KCNH7: variants seen among roughly 807,000 people sequenced by gnomAD.
KCNH7 encodes voltage-gated inwardly rectifying potassium channel KCNH7.
In KCNH7, 49 loss-of-function variants were observed where a neutral mutation model predicts 120.8. That is an observed-to-expected ratio of 0.41 (90% CI 0.32 to 0.51). The LOEUF (loss-of-function observed/expected upper bound fraction) is 0.51. Ranked by LOEUF, KCNH7 falls within the 20% of genes least tolerant of loss-of-function variation. The probability of loss-of-function intolerance (pLI) is 0.38; values close to 1 mark genes in which losing one functional copy is unlikely to be tolerated. For synonymous variants in KCNH7, 547 were observed against 516.1 expected, an observed-to-expected ratio of 1.06 and a Z score of -0.81; for missense variants, 1,097 against 1,446.6, an observed-to-expected ratio of 0.76 and a Z score of 3.92.
chr2:162,715,432 A>G (rs1687082468), intron 2 of KCNH7, among the ~76,000 whole-genome samples: 1 of 152,184 alleles, frequency 6.6e-6, no homozygotes, highest in African/African-American at 2.4e-5. Context: ...ACAATTCATC[A>G]TGAGATTTGG....
intron 3 of KCNH7, among the ~76,000 whole-genome samples, chr2:162,520,617 A>G (rs534524991): frequency 1.3e-5 from 2 of 151,702 alleles, no homozygotes; most frequent in African/African-American, 4.8e-5. Flanking sequence ...AACAACAACA[A>G]AAAAAACTAG....
chr2:162,704,125 TA>T (rs1385421036), intron 2 of KCNH7, among the ~76,000 whole-genome samples: 1 of 152,122 alleles, frequency 6.6e-6, no homozygotes, highest in African/African-American at 2.4e-5. Flanking sequence ...GATTGGGTAA[TA>T]TTTCCCAGAG....
intron 2 of KCNH7, among the ~76,000 whole-genome samples, chr2:162,548,915 T>C (rs1199508799): frequency 6.6e-6 from 1 of 151,952 alleles, no homozygotes; most frequent in Admixed American, 6.6e-5. Flanking sequence ...TATCAAAGAG[T>C]ACGTTTGAGT....
At chr2:162,789,696 C>T (rs1683851513) in intron 2 of KCNH7, among the ~76,000 whole-genome samples, 1 of 151,616 alleles carries the variant, frequency 6.6e-6, no homozygotes, top group African/African-American at 2.4e-5. Flanking sequence ...AAAACAATAA[C>T]AGGAAGAAAA....
chr2:162,516,659 G>C (rs2105782577), intron 4 of KCNH7, among the ~76,000 whole-genome samples: 1 of 151,834 alleles, frequency 6.6e-6, no homozygotes, highest in African/African-American at 2.4e-5. Context: ...ATGGGAATCT[G>C]GAAAGCGGGT....
chr2:162,608,283 A>G (rs982236298), intron 2 of KCNH7, among the ~76,000 whole-genome samples: 1 of 152,198 alleles, frequency 6.6e-6, no homozygotes, highest in African/African-American at 2.4e-5. Flanking sequence ...GCTATCAGCA[A>G]CGTAATTCAG....
chr2:162,453,793 A>G (rs1290510345), intron 6 of KCNH7, among the ~76,000 whole-genome samples: 3 of 151,878 alleles, frequency 2.0e-5, no homozygotes, highest in African/African-American at 7.3e-5. Flanking sequence ...TCCTTCACCC[A>G]CTTTTTGATG....
chr2:162,576,901 T>C (rs1372366049), intron 2 of KCNH7, among the ~76,000 whole-genome samples: 1 of 151,448 alleles, frequency 6.6e-6, no homozygotes, highest in Non-Finnish European at 1.5e-5. Context: ...TCTATTCTTT[T>C]TCTTCTTTAT....
chr2:162,700,985 G>A (rs1574282575), intron 2 of KCNH7, among the ~76,000 whole-genome samples: 1 of 152,184 alleles, frequency 6.6e-6, no homozygotes, highest in Non-Finnish European at 1.5e-5. Context: ...CTATATGCCA[G>A]GGCACTGGTT....
At chr2:162,487,509 A>C (rs1690142344) in intron 6 of KCNH7, among the ~76,000 whole-genome samples, 1 of 152,120 alleles carries the variant, frequency 6.6e-6, no homozygotes, top group Non-Finnish European at 1.5e-5. Context: ...AGTGTGTTCC[A>C]GATGATTCCA....
At chr2:162,462,720 C>G (rs767758778) in intron 6 of KCNH7, among the ~76,000 whole-genome samples, 9 of 151,974 alleles carry the variant, frequency 5.9e-5, no homozygotes, top group African/African-American at 1.2e-4. Context: ...CAGGGATTTT[C>G]TGTGTATTTG....
chr2:162,418,848 T>C (rs1192916624), intron 9 of KCNH7, among the ~76,000 whole-genome samples: 1 of 152,162 alleles, frequency 6.6e-6, no homozygotes, highest in East Asian at 1.9e-4. Context: ...TATCATTCTT[T>C]ATTATTCTCT....
chr2:162,478,926 G>A (rs1392716693), intron 6 of KCNH7, among the ~76,000 whole-genome samples: 1 of 152,108 alleles, frequency 6.6e-6, no homozygotes, highest in Non-Finnish European at 1.5e-5. Context: ...CTTAATCATT[G>A]TGACTCCCTG....
chr2:162,649,759 A>G (rs772382933), intron 2 of KCNH7, among the ~76,000 whole-genome samples: 1 of 152,158 alleles, frequency 6.6e-6, no homozygotes, highest in Non-Finnish European at 1.5e-5. Flanking sequence ...CATTTACTCT[A>G]AGTTAAAAGG....
Position 162,440,128 on chromosome 2 carries a change from G to A in KCNH7, c.1555-4531C>T, listed in dbSNP as rs1688375631. Among the ~76,000 whole-genome samples the A allele has an allele frequency of 3.3e-5, 5 of 151,488 alleles. No individual in the cohort carries two copies. In the South Asian group the frequency reaches 8.3e-4, roughly 25 times the overall value. ...ATTAAAAAATTTTTGAAAAATAATT[G>A]TACCTTATTTTTTAGTAAACATTTT... On this transcript the variant is annotated intron_variant, in intron 7 of 15. Coordinates refer to ENST00000332142, the MANE Select transcript of KCNH7 (RefSeq NM_033272.4).
chr2:162,606,326 T>C (rs1227923710), intron 2 of KCNH7, among the ~76,000 whole-genome samples: 1 of 152,138 alleles, frequency 6.6e-6, no homozygotes, highest in Non-Finnish European at 1.5e-5. Flanking sequence ...GTGAGAAGGC[T>C]GGTTTAGGAA....
intron 2 of KCNH7, among the ~76,000 whole-genome samples, chr2:162,836,097 G>C (rs531265339): frequency 6.6e-6 from 1 of 152,166 alleles, no homozygotes; most frequent in Non-Finnish European, 1.5e-5. Context: ...AAAGAGCCAA[G>C]AGACATAACT....
At chr2:162,521,575 T>A (rs1178388690) in intron 3 of KCNH7, among the ~76,000 whole-genome samples, 1 of 151,894 alleles carries the variant, frequency 6.6e-6, no homozygotes, top group East Asian at 1.9e-4. Flanking sequence ...CAGTTAATAG[T>A]GACACAAATC....
At chr2:162,728,757 A>C (rs1003182269) in intron 2 of KCNH7, among the ~76,000 whole-genome samples, 3 of 152,196 alleles carry the variant, frequency 2.0e-5, no homozygotes, top group African/African-American at 4.8e-5. Flanking sequence ...CAGCCTGGGC[A>C]ACAAGAGTGA....
Sources: allele counts gnomAD v4.1 joint callset (sites outside exome capture counted in the v4.1 genomes callset), GRCh38; gene constraint gnomAD v4.1.1; transcripts MANE v1.5; gene names NCBI Gene and HGNC (gene_info 2026-07-23, HGNC 2026-07-21).